The following FGF14 variants were observed in gnomAD, a reference collection of about 807,000 sequenced individuals.
FGF14 encodes fibroblast growth factor 14.
In FGF14, 5 loss-of-function variants were observed where a neutral mutation model predicts 25.5. The observed-to-expected ratio is 0.20, with a 90% CI of 0.10 to 0.41. FGF14 has a LOEUF of 0.41. FGF14 is among the 10% of genes least tolerant of loss of function. The pLI is 1.00. For synonymous variants in FGF14, 138 were observed against 118.3 expected (o/e 1.17, Z -1.08); for missense variants, 222 against 320.1 (o/e 0.69, Z 2.34).
chr13:101,869,307 T>A (rs917534215), intron 2 of FGF14, among the ~76,000 whole-genome samples: 2 of 152,176 alleles, frequency 1.3e-5, no homozygotes, highest in African/African-American at 4.8e-5. Flanking sequence ...ACCAATATGA[T>A]ACGCCAGCGA....
intron 1 of FGF14, among the ~76,000 whole-genome samples, chr13:102,157,345 A>T (rs559093769): frequency 2.2e-4 from 33 of 152,346 alleles, no homozygotes; most frequent in African/African-American, 7.9e-4. Flanking sequence ...GGCCTCAGAA[A>T]TAATGCCACA....
At chr13:102,270,744 T>C (rs967648792) in intron 1 of FGF14, among the ~76,000 whole-genome samples, 1 of 152,168 alleles carries the variant, frequency 6.6e-6, no homozygotes, top group Admixed American at 6.5e-5. Flanking sequence ...GTTCAAGCTG[T>C]TTGTCATTTA....
At position 102,160,747 on chromosome 13, in the gene FGF14, C is replaced by T. The variant is rs577818282; in HGVS notation, c.208+240724G>A. 4.6e-3 allele frequency among the ~76,000 whole-genome samples: 702 copies of T among 152,114 alleles called. 4 individuals are homozygous for T. The highest frequency in any genetic ancestry group is 8.5e-3 in the Non-Finnish European group (581 of 68,008). On this transcript the variant is annotated intron_variant, in intron 1 of 4. Coordinates refer to the FGF14 transcript ENST00000376131. ...CCCTAGAATAGGATAAAGGAGAATT[C>T]CAGAGATAGTAGGGCTTGGAGAAGA...
chr13:102,331,959 A>C (rs966556803), intron 1 of FGF14, among the ~76,000 whole-genome samples: 2 of 152,190 alleles, frequency 1.3e-5, no homozygotes, highest in African/African-American at 4.8e-5. Context: ...CAGAAATAGC[A>C]ATCAGCGCAG....
chr13:101,754,695 C>T (rs2037527405), intron 3 of FGF14, among the ~76,000 whole-genome samples: 1 of 152,088 alleles, frequency 6.6e-6, no homozygotes, highest in African/African-American at 2.4e-5. Context: ...CACCACTGCA[C>T]CCCAGCCTGG....
At chr13:102,380,071 A>T in intron 1 of FGF14, among the ~76,000 whole-genome samples, 1 of 151,912 alleles carries the variant, frequency 6.6e-6, no homozygotes, top group Non-Finnish European at 1.5e-5. Context: ...CCTTTTCTTA[A>T]TTTCTCAGAG....
At chr13:102,289,111 T>C (rs559034144) in intron 1 of FGF14, among the ~76,000 whole-genome samples, 1 of 152,296 alleles carries the variant, frequency 6.6e-6, no homozygotes, top group Admixed American at 6.5e-5. Context: ...CCTCAACACT[T>C]AGTATTACTA....
At chr13:102,072,011 A>G (rs1242665158) in intron 1 of FGF14, among the ~76,000 whole-genome samples, 1 of 152,224 alleles carries the variant, frequency 6.6e-6, no homozygotes, top group East Asian at 1.9e-4. Flanking sequence ...CAAGGACTCT[A>G]TTTATACCAC....
intron 1 of FGF14, among the ~76,000 whole-genome samples, chr13:102,159,937 C>A (rs191396354): frequency 2.6e-5 from 4 of 152,268 alleles, no homozygotes; most frequent in Admixed American, 2.6e-4. Context: ...AATCAGCACT[C>A]CTAAATATGC....
intron 3 of FGF14, among the ~76,000 whole-genome samples, chr13:101,826,699 GGATAATT>G (rs2042408219): frequency 6.6e-6 from 1 of 151,754 alleles, no homozygotes; most frequent in Non-Finnish European, 1.5e-5. Flanking sequence ...TAAATGAGCT[GGATAATT>G]GATATCACTA....
intron 1 of FGF14, among the ~76,000 whole-genome samples, chr13:102,218,542 G>T (rs2050471989): frequency 6.6e-6 from 1 of 151,924 alleles, no homozygotes; most frequent in Admixed American, 6.6e-5. Flanking sequence ...TCAAATATTA[G>T]AGGAAAAATC....
intron 1 of FGF14, among the ~76,000 whole-genome samples, chr13:102,186,940 A>G (rs1030342136): frequency 5.3e-5 from 8 of 152,200 alleles, no homozygotes; most frequent in Admixed American, 1.3e-4. Flanking sequence ...CACAGGAAAC[A>G]CAGACACACA....
chr13:101,785,218 T>C lies in FGF14; in HGVS notation c.409-58408A>G, dbSNP rs372952562. 4.3e-4 allele frequency among the ~76,000 whole-genome samples: 66 copies of C among 152,016 alleles called. 1 individual carries two copies. In the East Asian group the frequency reaches 7.1e-3, roughly 16 times the overall value. On this transcript the variant is annotated intron_variant, in intron 3 of 4. Coordinates refer to ENST00000376143, the MANE Select transcript of FGF14 (RefSeq NM_004115.4). ...ATTTTAAAAATTATATATAGATATGTAAATTATTCAAAGGCAGGGAGCATC... is the reference window on the plus strand; with the variant it reads ...ATTTTAAAAATTATATATAGATATGCAAATTATTCAAAGGCAGGGAGCATC...
intron 1 of FGF14, among the ~76,000 whole-genome samples, chr13:102,368,494 A>G (rs2057781599): frequency 6.6e-6 from 1 of 152,188 alleles, no homozygotes; most frequent in African/African-American, 2.4e-5. Flanking sequence ...GGGGTTCAGA[A>G]GGTCTTTTTC....
At chr13:102,276,405 GA>G (rs1354911983) in intron 1 of FGF14, among the ~76,000 whole-genome samples, 1 of 142,954 alleles carries the variant, frequency 7.0e-6, no homozygotes, top group African/African-American at 2.6e-5. Flanking sequence ...CATCATTTCT[GA>G]AATCAGAAGC....
At chr13:102,178,237 G>C (rs951687469) in intron 1 of FGF14, among the ~76,000 whole-genome samples, 47 of 152,080 alleles carry the variant, frequency 3.1e-4, no homozygotes, top group African/African-American at 1.1e-3. Flanking sequence ...TCAGGAGGTT[G>C]CAAAACCAAA....
chr13:102,171,990 A>G (rs1391432201), intron 1 of FGF14, among the ~76,000 whole-genome samples: 1 of 150,046 alleles, frequency 6.7e-6, no homozygotes, highest in East Asian at 1.9e-4. Flanking sequence ...TTATTTATTT[A>G]TTTATTTATT....
intron 3 of FGF14, among the ~76,000 whole-genome samples, chr13:101,740,950 T>C (rs2036513851): frequency 6.6e-6 from 1 of 152,114 alleles, no homozygotes; most frequent in East Asian, 1.9e-4. Flanking sequence ...GGGGCAAAGG[T>C]CCTTAAATTT....
At chr13:102,301,994 T>C (rs1411048138) in intron 1 of FGF14, among the ~76,000 whole-genome samples, 2 of 152,108 alleles carry the variant, frequency 1.3e-5, no homozygotes, top group African/African-American at 2.4e-5. Context: ...TCTGTCTTCC[T>C]TTCTGCTACT....
Sources: allele counts gnomAD v4.1 joint callset (sites outside exome capture counted in the v4.1 genomes callset), GRCh38; gene constraint gnomAD v4.1.1; transcripts MANE v1.5; gene names NCBI Gene and HGNC (gene_info 2026-07-23, HGNC 2026-07-21).